RABEP1: variants seen among roughly 807,000 people sequenced by gnomAD.
RABEP1 encodes rab GTPase-binding effector protein 1.
RABEP1 carries 51 observed loss-of-function variants against 123.4 expected under a neutral mutation model. The ratio of observed to expected loss-of-function variants is 0.41; its 90% confidence interval spans 0.33 to 0.52. RABEP1 has a LOEUF of 0.52. Ranked by LOEUF, RABEP1 falls within the 20% of genes least tolerant of loss-of-function variation. The pLI is 0.16. For synonymous variants in RABEP1, 347 were observed against 355.2 expected (o/e 0.98, Z 0.26); for missense variants, 888 against 996.3 (o/e 0.89, Z 1.46).
intron 2 of RABEP1, among the ~76,000 whole-genome samples, chr17:5,316,478 ACTG>A (rs1199602670): frequency 6.9e-6 from 1 of 144,206 alleles, no homozygotes; most frequent in Non-Finnish European, 1.5e-5. Context: ...AAAAAAAAGA[ACTG>A]CTGGTAGAGT....
chr17:5,299,257 G>A (rs2075110978), intron 1 of RABEP1, among the ~76,000 whole-genome samples: 1 of 151,888 alleles, frequency 6.6e-6, no homozygotes, highest in African/African-American at 2.4e-5. Context: ...AGATGTTCCA[G>A]GCTTATCTTG....
intron 7 of RABEP1, among the ~76,000 whole-genome samples, chr17:5,351,410 T>G (rs2144650023): frequency 6.6e-6 from 1 of 152,308 alleles, no homozygotes; most frequent in Middle Eastern, 3.4e-3. Context: ...TGTTTTACCA[T>G]TTGGTAGAGA....
At position 5,289,544 on chromosome 17, in the gene RABEP1, A is replaced by G. The variant is rs538900797; in HGVS notation, c.34+7024A>G. ...ATTTTCAACACTTGTGGTTTTTTATATTTTGTAGTCCAATCCATTTGCAAT... is the reference window on the plus strand; with the variant it reads ...ATTTTCAACACTTGTGGTTTTTTATGTTTTGTAGTCCAATCCATTTGCAAT... On this transcript the variant is annotated intron_variant, in intron 1 of 17. Coordinates refer to ENST00000537505, the MANE Select transcript of RABEP1 (RefSeq NM_004703.6). Among the ~76,000 whole-genome samples, 44 of 150,700 alleles carry G rather than the reference A, an allele frequency of 2.9e-4. 1 individual carries two copies. Among genetic ancestry groups the G allele is most frequent in the African/African-American group, 1.0e-3 (43 of 41,060 alleles).
intron 16 of RABEP1, 102 bp from the exon 17 acceptor site, chr17:5,381,287 A>G: frequency 6.6e-7 from 1 of 1,516,814 alleles, no homozygotes; most frequent in Non-Finnish European, 8.8e-7. Context: ...ACGGATATCC[A>G]CCCACCTTTC....
rs1017788068 is a variant in RABEP1, at chr17:5,282,313, C to G, written c.-174C>G. 3 of 433,734 alleles carry G rather than the reference C, an allele frequency of 6.9e-6. No individual in the cohort carries two copies. The highest frequency in any genetic ancestry group is 1.2e-5 in the Non-Finnish European group (3 of 256,464). 26.9% of individuals were successfully genotyped at this position (433,734 alleles called of 1,614,324 possible). A position where few individuals can be genotyped will look rare whatever the true frequency, so the allele number is the denominator to read the frequency against. On this transcript the variant is annotated 5_prime_UTR_variant, in exon 1 of 18. Transcript: ENST00000537505. ...GGATGAGGAGGCGGAGGTCGGCGGT[C>G]GGGTCCGTCTCTGCCCGCGGCTGTG...
intron 1 of RABEP1, among the ~76,000 whole-genome samples, chr17:5,306,492 G>A (rs1166822249): frequency 6.6e-6 from 1 of 152,128 alleles, no homozygotes; most frequent in Non-Finnish European, 1.5e-5. Context: ...GCTGGGCGTG[G>A]TGGCATGTGC....
In RABEP1 at chr17:5,386,187, G is replaced by C. The variant is rs776950646; in HGVS notation, c.*2964G>C. On this transcript the variant is annotated 3_prime_UTR_variant, in exon 18 of 18. Transcript: ENST00000537505. ...CTTCAATGGTGTTCAGTTCAGGTGTGAGTCAGCTCCTGGTGGTGTCAGAAG... is the reference window on the plus strand; with the variant it reads ...CTTCAATGGTGTTCAGTTCAGGTGTCAGTCAGCTCCTGGTGGTGTCAGAAG... 3.1e-6 allele frequency: 5 copies of C among 1,601,170 alleles called. No individual in the cohort carries two copies. Among genetic ancestry groups the C allele is most frequent in the Middle Eastern group, 3.3e-4 (2 of 6,064 alleles).
In RABEP1 at chr17:5,361,467, T is replaced by C. The variant is rs370978186; in HGVS notation, c.1355T>C (p.Phe452Ser). 1 of 1,614,192 alleles carries C rather than the reference T, an allele frequency of 6.2e-7. No homozygotes were observed. The highest frequency in any genetic ancestry group is 2.2e-5 in the East Asian group (1 of 44,880). Residue 452 changes from phenylalanine (F) to serine (S), a missense_variant, in exon 9 of 18, where the codon TTT (phenylalanine) becomes TCT (serine). Transcript: ENST00000537505. ...GGAGCAGATTCAGTGTCTGAGAACT[T>C]TGATACTGCATCCCTTGGGTCACTC... ...LVGADSVSEN[F>S]DTASLGSLQM...
At position 5,344,599 on chromosome 17, in the gene RABEP1, G is replaced by A. The variant is rs562791714; in HGVS notation, c.649-2191G>A. Among the ~76,000 whole-genome samples the A allele has an allele frequency of 6.0e-5, 9 of 150,942 alleles. No individual in the cohort carries two copies. The East Asian group carries it at 1.2e-3, about 20-fold the overall frequency. On this transcript the variant is annotated intron_variant, in intron 5 of 17. Transcript: ENST00000537505. ...CATCCTGGATAACACGGTGAAACCC[G>A]GTCTCTACTAAAAATATGAAAAATT...
Position 5,282,388 on chromosome 17 carries a change from C to G in RABEP1, c.-99C>G. Reference sequence around the variant, plus strand: ...GCGGTTTCTCTCTGGGCGGCGGCGGCGGCGGCTCGGTTGACGCCTCCTCCG... The same window carrying G: ...GCGGTTTCTCTCTGGGCGGCGGCGGGGGCGGCTCGGTTGACGCCTCCTCCG... On this transcript the variant is annotated 5_prime_UTR_variant, in exon 1 of 18. Coordinates refer to ENST00000537505, the MANE Select transcript of RABEP1 (RefSeq NM_004703.6). The G allele has an allele frequency of 2.0e-6, 2 of 976,528 alleles. No individual in the cohort carries two copies. Among genetic ancestry groups the G allele is most frequent in the Non-Finnish European group, 2.7e-6 (2 of 733,062 alleles). The allele number at this position is 976,528 out of a possible 1,614,324, so 60.5% of individuals were successfully genotyped here.
chr17:5,322,072 T>C (rs1826578), intron 2 of RABEP1, among the ~76,000 whole-genome samples: 151,857 of 152,312 alleles, frequency 1, 75,703 homozygotes, highest in East Asian at 1. Flanking sequence ...TGGAGGTGGG[T>C]GCCTGTAATC....
At chr17:5,348,890 G>C (rs1230671654) in intron 6 of RABEP1, among the ~76,000 whole-genome samples, 1 of 152,102 alleles carries the variant, frequency 6.6e-6, no homozygotes, top group Admixed American at 6.6e-5. Context: ...GTTTTATTAA[G>C]ATAAAATTTG....
At chr17:5,356,764 C>T (rs979207320) in intron 8 of RABEP1, among the ~76,000 whole-genome samples, 3 of 151,748 alleles carry the variant, frequency 2.0e-5, no homozygotes, top group African/African-American at 7.3e-5. Context: ...GGTCCTTCTG[C>T]CTCATCCTCC....
At chr17:5,314,903 G>A (rs2075281564) in intron 2 of RABEP1, among the ~76,000 whole-genome samples, 3 of 152,294 alleles carry the variant, frequency 2.0e-5, no homozygotes, top group Middle Eastern at 3.4e-3. Flanking sequence ...TGGCATTACA[G>A]CAGTGTTTAT....
intron 2 of RABEP1, among the ~76,000 whole-genome samples, chr17:5,310,988 C>A (rs1597342782): frequency 6.6e-6 from 1 of 150,688 alleles, no homozygotes; most frequent in East Asian, 2.0e-4. Flanking sequence ...TTTTGTATTT[C>A]TAGTAGAGAC....
intron 10 of RABEP1, among the ~76,000 whole-genome samples, chr17:5,364,695 G>A (rs904211767): frequency 2.1e-5 from 3 of 142,434 alleles, no homozygotes; most frequent in East Asian, 2.1e-4. Context: ...ATTGCAGAGC[G>A]AGAGACTCTT....
At position 5,380,463 on chromosome 17, in the gene RABEP1, GTAGTGTTTTCAT is replaced by G; in HGVS notation, c.2370+6_2370+17del. ...GTTAAAGAAAGAGACTGCTGCTAAGGTAGTGTTTTCATTAGTCATTTAATTTTAAAAAGCAGG... is the reference window on the plus strand; with the variant it reads ...GTTAAAGAAAGAGACTGCTGCTAAGGTAGTCATTTAATTTTAAAAAGCAGG... On this transcript the variant is annotated splice_donor_variant and splice_donor_5th_base_variant and intron_variant, in intron 16 of 17. Coordinates refer to ENST00000537505, the MANE Select transcript of RABEP1 (RefSeq NM_004703.6). LOFTEE classifies it high-confidence loss of function. 1.3e-6 allele frequency: 2 copies of G among 1,531,118 alleles called. No individual in the cohort carries two copies. Among genetic ancestry groups the G allele is most frequent in the Non-Finnish European group, 1.8e-6 (2 of 1,126,690 alleles). The allele number at this position is 1,531,118 out of a possible 1,614,324, so 94.8% of individuals were successfully genotyped here. A position where few individuals can be genotyped will look rare whatever the true frequency, so the allele number is the denominator to read the frequency against.
At chr17:5,372,763 T>A (rs903777128) in intron 12 of RABEP1, among the ~76,000 whole-genome samples, 2 of 152,076 alleles carry the variant, frequency 1.3e-5, no homozygotes, top group African/African-American at 4.8e-5. Context: ...ATATTAATTT[T>A]TTTTTTTTTT....
intron 8 of RABEP1, chr17:5,360,955 C>T: frequency 6.2e-6 from 3 of 480,666 alleles, no homozygotes; most frequent in South Asian, 2.3e-5. Context: ...AGTCTGCTTA[C>T]TTATCTTTTT....
Sources: allele counts gnomAD v4.1 joint callset (sites outside exome capture counted in the v4.1 genomes callset), GRCh38; gene constraint gnomAD v4.1.1; transcripts MANE v1.5; gene names NCBI Gene and HGNC (gene_info 2026-07-23, HGNC 2026-07-21).